The following NRL variants were observed in gnomAD, a reference collection of about 807,000 sequenced individuals.
The protein encoded by NRL is neural retina leucine zipper.
A neutral mutation model predicts 12.5 loss-of-function variants in NRL; 16 were observed. The ratio of observed to expected loss-of-function variants is 1.28; its 90% CI spans 0.87 to 1.95. The LOEUF (loss-of-function observed/expected upper bound fraction) is 1.95, where lower values mean the gene tolerates loss of function less well. Ranked by LOEUF, NRL falls within the 30% of genes most tolerant of loss-of-function variation. NRL has a pLI of 0.00. For missense variants in NRL, 314 were observed against 325.8 expected, an observed-to-expected ratio of 0.96 and a Z score of 0.28; for synonymous variants, 142 against 150.9, an observed-to-expected ratio of 0.94 and a Z score of 0.43.
rs1474819022 is a variant in NRL at position 24,079,004 on chromosome 14, C to G, written c.*2232G>C. ...TTTTTTTGTAGTGACAGGGTTCTCG[C>G]TATGTTGCCCAGGCTGGTCTCAAAC... On this transcript the variant is annotated 3_prime_UTR_variant, in exon 3 of 3. Coordinates refer to ENST00000561028, the MANE Select transcript of NRL (RefSeq NM_001354768.3). Among the ~76,000 whole-genome samples, 1 of 152,160 alleles carries G rather than the reference C, an allele frequency of 6.6e-6. No individual in the cohort carries two copies. Among genetic ancestry groups the G allele is most frequent in the African/African-American group, 2.4e-5 (1 of 41,420 alleles).
At chr14:24,113,576 C>G (rs1022622149) in intron 1 of NRL, among the ~76,000 whole-genome samples, 9 of 152,180 alleles carry the variant, frequency 5.9e-5, no homozygotes, top group Non-Finnish European at 1.2e-4. Context: ...ATCAGTGGAG[C>G]CGAGTGCAAG....
chr14:24,091,887 C>T lies in NRL; in HGVS notation c.-27-9012G>A, dbSNP rs532831704. Among the ~76,000 whole-genome samples the T allele has an allele frequency of 2.2e-4, 33 of 152,092 alleles. 1 individual carries two copies. Among genetic ancestry groups the T allele is most frequent in the African/African-American group, 6.8e-4 (28 of 41,478 alleles). Reference sequence around the variant, plus strand: ...CAGGAATGAAAGAAAGGAAAGTACACTTGGAAGAGGCCCAAGCAGGCATCT... The same window carrying T: ...CAGGAATGAAAGAAAGGAAAGTACATTTGGAAGAGGCCCAAGCAGGCATCT... On this transcript the variant is annotated intron_variant, in intron 1 of 2. Transcript: ENST00000561028.
At chr14:24,087,116 A>G (rs1398653488) in intron 1 of NRL, among the ~76,000 whole-genome samples, 1 of 151,644 alleles carries the variant, frequency 6.6e-6, no homozygotes, top group African/African-American at 2.4e-5. Flanking sequence ...TAGATGTGAG[A>G]TAGAGGACAG....
chr14:24,088,939 T>C (rs1193260308), intron 1 of NRL, among the ~76,000 whole-genome samples: 2 of 150,294 alleles, frequency 1.3e-5, no homozygotes, highest in Non-Finnish European at 3.0e-5. Flanking sequence ...CGGCTGGAAC[T>C]ACAGGCACCC....
At chr14:24,110,312 T>C (rs1443633354) in intron 1 of NRL, 1 of 378,920 alleles carries the variant, frequency 2.6e-6, no homozygotes, top group Non-Finnish European at 5.5e-6. Flanking sequence ...TTTCGTCACA[T>C]TGCCCAGGCT....
intron 1 of NRL, chr14:24,098,978 T>G: frequency 8.2e-7 from 1 of 1,223,172 alleles, no homozygotes; most frequent in Non-Finnish European, 1.2e-6. Flanking sequence ...TGCCAATCCC[T>G]GATCCCTCTG....
At position 24,080,959 on chromosome 14, in the gene NRL, A is replaced by C; in HGVS notation, c.*277T>G. 2.9e-6 allele frequency: 1 copy of C among 342,376 alleles called. No individual in the cohort carries two copies. 21.2% of individuals were successfully genotyped at this position (342,376 alleles called of 1,614,324 possible). A position where few individuals can be genotyped will look rare whatever the true frequency, so the allele number is the denominator to read the frequency against. ...CTGTGTCACCACACTTCCACCCCCC[A>C]GTGCCTGGCACTGGTCCCTGCAGAG... On this transcript the variant is annotated 3_prime_UTR_variant, in exon 3 of 3. Transcript: ENST00000561028.
At chr14:24,110,185 A>G (rs2037397626) in intron 1 of NRL, 2 of 160,374 alleles carry the variant, frequency 1.2e-5, no homozygotes, top group South Asian at 2.2e-4. Context: ...CAGTGGCGCA[A>G]TCATGGCTCA....
rs1594243128 is a variant in NRL, at chr14:24,080,108, A to G, written c.*1128T>C. The G allele has an allele frequency of 6.6e-6, 1 of 152,256 alleles. No individual in the cohort carries two copies. The highest frequency in any genetic ancestry group is 1.5e-5 in the Non-Finnish European group (1 of 68,052). The allele number at this position is 152,256 out of a possible 1,614,324, so 9.4% of individuals were successfully genotyped here. On this transcript the variant is annotated 3_prime_UTR_variant, in exon 3 of 3. Transcript: ENST00000561028. ...ACAAACAGTAGCCTGAAGCAGGGAT[A>G]AAGAATGAACACTTCTTAAATTGCA...
rs2036797646 is a variant in NRL at position 24,094,970 on chromosome 14, G to A, written c.-27-12095C>T. 3 of 762,980 alleles carry A rather than the reference G, an allele frequency of 3.9e-6. No homozygotes were observed. The highest frequency in any genetic ancestry group is 3.8e-6 in the Non-Finnish European group (2 of 521,996). The allele number at this position is 762,980 out of a possible 1,614,324, so 47.3% of individuals were successfully genotyped here. ...GGCGGGAAGTCCAGAGCAGCCCGAG[G>A]GACCTGGGCCCAGGGGAGGGAGGCA... On this transcript the variant is annotated intron_variant, in intron 1 of 2. Coordinates refer to ENST00000561028, the MANE Select transcript of NRL (RefSeq NM_001354768.3). This position sits in a 1 kb window ranked among gnomAD's most constrained non-coding sequence, Gnocchi z 4.1.
At position 24,094,130 on chromosome 14, in the gene NRL, A is replaced by G. The variant is rs4982857; in HGVS notation, c.-27-11255T>C. 0.99 allele frequency: 535,332 copies of G among 542,534 alleles called. 264,142 individuals carry two copies. The highest frequency in any genetic ancestry group is 1 in the East Asian group (28,690 of 28,690). The allele number at this position is 542,534 out of a possible 1,614,324, so 33.6% of individuals were successfully genotyped here. ...TGGACCCAGTCCTCCAATGGGAGAG[A>G]TGGGTTTGGCGGTTTGGAGGCAGGG... On this transcript the variant is annotated intron_variant, in intron 1 of 2. Coordinates refer to ENST00000561028, the MANE Select transcript of NRL (RefSeq NM_001354768.3). The surrounding 1 kb of genome is among the most constrained non-coding windows in gnomAD (Gnocchi z 4.1).
At chr14:24,091,700 C>A (rs562210266) in intron 1 of NRL, among the ~76,000 whole-genome samples, 42 of 151,678 alleles carry the variant, frequency 2.8e-4, no homozygotes, top group African/African-American at 9.7e-4. Context: ...TGACTTTGAG[C>A]AAATGACTCT....
intron 1 of NRL, among the ~76,000 whole-genome samples, chr14:24,097,614 GTC>G (rs2036952760): frequency 6.8e-6 from 1 of 147,314 alleles, no homozygotes; most frequent in Admixed American, 6.7e-5. Context: ...TTGAGATGGA[GTC>G]TCACTGTATC....
intron 1 of NRL, chr14:24,103,278 C>T (rs1278666375): frequency 1.3e-6 from 2 of 1,579,758 alleles, no homozygotes; most frequent in South Asian, 1.1e-5. Flanking sequence ...ACCATTCCTC[C>T]CTCTCCTGTG....
At chr14:24,106,200 G>T (rs2037336769) in intron 1 of NRL, among the ~76,000 whole-genome samples, 1 of 152,232 alleles carries the variant, frequency 6.6e-6, no homozygotes. Flanking sequence ...GTGCAATCTG[G>T]ATCAGGCTGA....
intron 1 of NRL, among the ~76,000 whole-genome samples, chr14:24,084,365 C>T (rs78047364): frequency 0.015 from 2,329 of 152,214 alleles, 61 homozygotes; most frequent in African/African-American, 0.054. Flanking sequence ...ATCTTTCTGA[C>T]GTGATAGCAG....
chr14:24,099,551 T>C (rs368665839), intron 1 of NRL: 2 of 1,578,368 alleles, frequency 1.3e-6, no homozygotes, highest in African/African-American at 2.7e-5. Flanking sequence ...CTCTCCCCAA[T>C]GCACAGATCC....
rs1374120799 is a variant in NRL at position 24,085,521 on chromosome 14, G to A, written c.-27-2646C>T. 1.3e-5 allele frequency among the ~76,000 whole-genome samples: 2 copies of A among 152,300 alleles called. No individual in the cohort carries two copies. Among genetic ancestry groups the A allele is most frequent in the East Asian group, 1.9e-4 (1 of 5,186 alleles). ...ATCCCTGAGTAGGAGTGGGAACAGG[G>A]ATACTAGGAATTATCCAAGGAGATG... On this transcript the variant is annotated intron_variant, in intron 1 of 2. Transcript: ENST00000561028. This position sits in a 1 kb window ranked among gnomAD's most constrained non-coding sequence, Gnocchi z 4.1.
chr14:24,104,473 C>CA (rs59451696), intron 1 of NRL, among the ~76,000 whole-genome samples: 1,952 of 119,370 alleles, frequency 0.016, 34 homozygotes, highest in African/African-American at 0.047. Flanking sequence ...ACTAAAAATA[C>CA]AAAAAAAAAA....
Sources: gnomAD v4.1 joint callset for allele counts (sites outside exome capture counted in the v4.1 genomes callset) on GRCh38, gnomAD v4.1.1 for gene constraint, Gnocchi (gnomAD v3.1) non-coding constraint, MANE v1.5 for transcripts, NCBI Gene and HGNC (gene_info 2026-07-23, HGNC 2026-07-21) for gene names.